The following PTPRM variants were observed in gnomAD, a reference collection of about 807,000 sequenced individuals.
PTPRM encodes receptor-type tyrosine-protein phosphatase mu.
In PTPRM, 47 loss-of-function variants were observed where a neutral mutation model predicts 186.7. The observed-to-expected ratio is 0.25, with a 90% CI of 0.20 to 0.32. PTPRM has a LOEUF of 0.32. Among genes scored for constraint, PTPRM ranks in the 10% least tolerant of loss-of-function variants. PTPRM has a pLI of 1.00. For missense variants in PTPRM, 1,494 were observed against 1,865.0 expected (o/e 0.80, Z 3.66); for synonymous variants, 668 against 674.9 (o/e 0.99, Z 0.16).
At chr18:8,382,153 A>G (rs2095740808) in intron 29 of PTPRM, among the ~76,000 whole-genome samples, 1 of 152,200 alleles carries the variant, frequency 6.6e-6, no homozygotes, top group Admixed American at 6.5e-5. Context: ...TTGCAATTCT[A>G]CAAGAATAGC....
chr18:8,139,126 A>C (rs2092705708), intron 13 of PTPRM, among the ~76,000 whole-genome samples: 1 of 152,104 alleles, frequency 6.6e-6, no homozygotes, highest in African/African-American at 2.4e-5. Flanking sequence ...TGTATGTCAA[A>C]TATCTCAAAC....
intron 14 of PTPRM, among the ~76,000 whole-genome samples, chr18:8,240,834 GAAAGAAAGA>G (rs1568585386): frequency 8.0e-6 from 1 of 125,558 alleles, no homozygotes; most frequent in African/African-American, 3.2e-5. Flanking sequence ...GAGAAAGAAA[GAAAGAAAGA>G]AAAGAAAGAA....
At chr18:8,393,424 G>A (rs2095827684) in intron 31 of PTPRM, among the ~76,000 whole-genome samples, 1 of 152,160 alleles carries the variant, frequency 6.6e-6, no homozygotes, top group African/African-American at 2.4e-5. Context: ...ACAAATCACT[G>A]ATCAGTGCTC....
At chr18:7,911,177 G>A in intron 4 of PTPRM, among the ~76,000 whole-genome samples, 1 of 152,154 alleles carries the variant, frequency 6.6e-6, no homozygotes, top group East Asian at 1.9e-4. Context: ...GCATGCATCA[G>A]TTGATGGACA....
intron 2 of PTPRM, among the ~76,000 whole-genome samples, chr18:7,785,186 G>A (rs1004252588): frequency 6.6e-6 from 1 of 151,936 alleles, no homozygotes; most frequent in African/African-American, 2.4e-5. Flanking sequence ...GAAGGAAGAG[G>A]GTGATTTGAG....
At chr18:8,286,971 T>TAA (rs576050020) in intron 19 of PTPRM, among the ~76,000 whole-genome samples, 50 of 145,900 alleles carry the variant, frequency 3.4e-4, no homozygotes, top group African/African-American at 5.3e-4. Flanking sequence ...TGTCATCTCT[T>TAA]AAAAAAAAAA....
At chr18:7,618,213 T>A (rs779356165) in intron 1 of PTPRM, among the ~76,000 whole-genome samples, 2 of 152,202 alleles carry the variant, frequency 1.3e-5, no homozygotes, top group African/African-American at 4.8e-5. Context: ...CACATTTCAA[T>A]AGACCGTTGA....
intron 14 of PTPRM, among the ~76,000 whole-genome samples, chr18:8,234,577 T>A (rs1036796509): frequency 6.6e-6 from 1 of 152,192 alleles, no homozygotes; most frequent in Non-Finnish European, 1.5e-5. Context: ...ATTTTCATTT[T>A]CTTGTCTTAT....
chr18:7,601,350 A>C (rs1456838835), intron 1 of PTPRM, among the ~76,000 whole-genome samples: 1 of 152,172 alleles, frequency 6.6e-6, no homozygotes, highest in African/African-American at 2.4e-5. Flanking sequence ...CCCCCGGTGC[A>C]TTAGTTTCCT....
chr18:8,067,366 A>G (rs1159005108), intron 7 of PTPRM, among the ~76,000 whole-genome samples: 2 of 151,660 alleles, frequency 1.3e-5, no homozygotes, highest in Non-Finnish European at 2.9e-5. Context: ...AAAAACCTTC[A>G]ATGTTATTTC....
intron 1 of PTPRM, among the ~76,000 whole-genome samples, chr18:7,635,899 C>T (rs892291429): frequency 6.6e-6 from 1 of 152,120 alleles, no homozygotes; most frequent in Non-Finnish European, 1.5e-5. Flanking sequence ...CATAGAATGC[C>T]CACTTCCACT....
At chr18:8,053,462 G>T (rs1172773733) in intron 7 of PTPRM, among the ~76,000 whole-genome samples, 1 of 152,004 alleles carries the variant, frequency 6.6e-6, no homozygotes, top group Non-Finnish European at 1.5e-5. Flanking sequence ...GTTTCCCCCA[G>T]GAATCAGAAA....
At position 7,897,017 on chromosome 18, in the gene PTPRM, T is replaced by C. The variant is rs570186174; in HGVS notation, c.468+8640T>C. ...TGACAGCAGGCCCGCATACATTTGC[T>C]GCCTAGAGACAGTGTTTTAGAGTTG... On this transcript the variant is annotated intron_variant, in intron 3 of 32. Coordinates refer to ENST00000580170, the MANE Select transcript of PTPRM (RefSeq NM_001105244.2). 4.2e-4 allele frequency among the ~76,000 whole-genome samples: 64 copies of C among 152,352 alleles called. No individual in the cohort carries two copies. In the South Asian group the frequency reaches 6.2e-3, roughly 15 times the overall value.
At chr18:8,317,354 G>T (rs1204898997) in intron 21 of PTPRM, among the ~76,000 whole-genome samples, 2 of 152,076 alleles carry the variant, frequency 1.3e-5, no homozygotes, top group Non-Finnish European at 2.9e-5. Flanking sequence ...TCAGGTAGGG[G>T]TTAGGGAGGA....
intron 14 of PTPRM, among the ~76,000 whole-genome samples, chr18:8,189,815 T>C (rs552581336): frequency 6.6e-6 from 1 of 152,224 alleles, no homozygotes; most frequent in African/African-American, 2.4e-5. Context: ...TCCAACAAGA[T>C]AGTGTTCGTC....
intron 1 of PTPRM, among the ~76,000 whole-genome samples, chr18:7,640,964 A>G (rs2038429041): frequency 6.6e-6 from 1 of 152,202 alleles, no homozygotes; most frequent in South Asian, 2.1e-4. Context: ...TGTTGGTGAC[A>G]TGATAAATGC....
chr18:8,170,058 G>A (rs566118955), intron 14 of PTPRM, among the ~76,000 whole-genome samples: 11 of 152,238 alleles, frequency 7.2e-5, no homozygotes, highest in African/African-American at 2.6e-4. Context: ...GCTTCTGTTG[G>A]GTGAGGGGAA....
chr18:8,187,339 T>A (rs1186018391), intron 14 of PTPRM, among the ~76,000 whole-genome samples: 1 of 151,998 alleles, frequency 6.6e-6, no homozygotes, highest in Non-Finnish European at 1.5e-5. Context: ...CTTGGGTCTG[T>A]GGTGGGAGGG....
chr18:8,383,451 T>G (rs2095752044), intron 29 of PTPRM, among the ~76,000 whole-genome samples: 1 of 152,092 alleles, frequency 6.6e-6, no homozygotes, highest in African/African-American at 2.4e-5. Flanking sequence ...GAAAAAAATC[T>G]TAGCAGTTCT....
Sources: allele counts gnomAD v4.1 joint callset (sites outside exome capture counted in the v4.1 genomes callset), GRCh38; gene constraint gnomAD v4.1.1; transcripts MANE v1.5; gene names NCBI Gene and HGNC (gene_info 2026-07-23, HGNC 2026-07-21).